VPS54: variants seen among roughly 807,000 people sequenced by gnomAD.
VPS54 encodes VPS54 subunit of GARP complex, also known as vacuolar protein sorting-associated protein 54.
Under a neutral mutation model 121.5 loss-of-function variants are expected in VPS54, and 45 were observed. That is an observed-to-expected ratio of 0.37 (90% CI 0.29 to 0.47). VPS54 has a LOEUF of 0.47. Among genes scored for constraint, VPS54 ranks in the 20% least tolerant of loss-of-function variants. The probability of loss-of-function intolerance (pLI) is 0.99; values close to 1 mark genes in which losing one functional copy is unlikely to be tolerated. For missense variants in VPS54, 1,090 were observed against 1,131.4 expected, an observed-to-expected ratio of 0.96 and a Z score of 0.52; for synonymous variants, 371 against 385.8, an observed-to-expected ratio of 0.96 and a Z score of 0.45.
At chr2:63,986,146 T>C (rs561450802) in intron 1 of VPS54, among the ~76,000 whole-genome samples, 1 of 152,316 alleles carries the variant, frequency 6.6e-6, no homozygotes, top group Admixed American at 6.5e-5. Flanking sequence ...CTTTTAGTTA[T>C]TTTAAAATGT....
intron 22 of VPS54, among the ~76,000 whole-genome samples, chr2:63,895,961 AGG>A (rs1442075553): frequency 6.6e-6 from 1 of 152,218 alleles, no homozygotes; most frequent in Non-Finnish European, 1.5e-5. Flanking sequence ...TAAAAGTAAA[AGG>A]GTATGAGCAG....
chr2:64,000,658 T>G (rs189911477), intron 1 of VPS54, among the ~76,000 whole-genome samples: 23 of 152,352 alleles, frequency 1.5e-4, no homozygotes, highest in Admixed American at 3.3e-4. Context: ...TTGGTAGTCT[T>G]GAATAAAATC....
intron 5 of VPS54, 137 bp from the exon 6 acceptor site, chr2:63,966,103 T>A (rs866835147): frequency 6.1e-6 from 5 of 813,876 alleles, no homozygotes; most frequent in Non-Finnish European, 7.6e-6. Context: ...AACAGTTGAG[T>A]TCTTTACACA....
chr2:63,957,638 C>G (rs903022352), intron 7 of VPS54, among the ~76,000 whole-genome samples: 20 of 152,062 alleles, frequency 1.3e-4, no homozygotes, highest in Non-Finnish European at 2.4e-4. Context: ...AAACTTGGAA[C>G]TTATACAGAT....
chr2:63,984,168 G>C (rs1159839802), intron 1 of VPS54, 149 bp from the exon 2 acceptor site: 1 of 640,620 alleles, frequency 1.6e-6, no homozygotes, highest in African/African-American at 1.8e-5. Flanking sequence ...TGGGAAAATT[G>C]ATCACAATAT....
At chr2:63,983,533 C>T (rs1165001995) in intron 2 of VPS54, among the ~76,000 whole-genome samples, 3 of 151,134 alleles carry the variant, frequency 2.0e-5, no homozygotes, top group African/African-American at 7.3e-5. Flanking sequence ...TGCTCCACCT[C>T]CTGAGTTCAC....
intron 20 of VPS54, among the ~76,000 whole-genome samples, chr2:63,902,573 T>C (rs896313642): frequency 6.6e-6 from 1 of 150,836 alleles, no homozygotes; most frequent in Non-Finnish European, 1.5e-5. Context: ...AAACAAAATA[T>C]ACAAAAAAGA....
At chr2:63,964,200 C>T (rs746070649) in intron 6 of VPS54, among the ~76,000 whole-genome samples, 5 of 152,066 alleles carry the variant, frequency 3.3e-5, no homozygotes, top group African/African-American at 4.8e-5. Flanking sequence ...CAGAGCAGAA[C>T]GAAAAGGAGT....
chr2:63,990,563 A>G (rs753111780), intron 1 of VPS54, among the ~76,000 whole-genome samples: 17 of 151,932 alleles, frequency 1.1e-4, no homozygotes, highest in African/African-American at 4.1e-4. Flanking sequence ...TCACCAGGAT[A>G]CCTCTGCTCC....
chr2:63,988,334 T>C (rs1677151225), intron 1 of VPS54, among the ~76,000 whole-genome samples: 1 of 152,244 alleles, frequency 6.6e-6, no homozygotes, highest in Non-Finnish European at 1.5e-5. Flanking sequence ...ACTATCTACA[T>C]TCCTGAAATA....
At chr2:63,936,968 C>T (rs1674483727) in intron 11 of VPS54, among the ~76,000 whole-genome samples, 2 of 152,070 alleles carry the variant, frequency 1.3e-5, no homozygotes, top group African/African-American at 4.8e-5. Flanking sequence ...GAAAGTAGAC[C>T]GCTGTCTTAT....
intron 12 of VPS54, among the ~76,000 whole-genome samples, chr2:63,922,154 G>A (rs1261554012): frequency 6.6e-6 from 1 of 152,158 alleles, no homozygotes; most frequent in Non-Finnish European, 1.5e-5. Flanking sequence ...AACTCAAAGA[G>A]GAGTATTTAT....
At chr2:63,902,858 C>T (rs1013836836) in intron 20 of VPS54, among the ~76,000 whole-genome samples, 1 of 152,198 alleles carries the variant, frequency 6.6e-6, no homozygotes, top group Non-Finnish European at 1.5e-5. Context: ...ATCCCAGCTA[C>T]TCCAGAGGCT....
At chr2:63,900,173 T>C (rs1461194815) in intron 20 of VPS54, among the ~76,000 whole-genome samples, 1 of 126,858 alleles carries the variant, frequency 7.9e-6, no homozygotes, top group Non-Finnish European at 1.5e-5. Flanking sequence ...TGAGCCAAGA[T>C]CGCACCACTG....
At chr2:63,983,829 A>T in intron 2 of VPS54, 35 bp downstream of exon 2, 1 of 1,562,676 alleles carries the variant, frequency 6.4e-7, no homozygotes, top group Non-Finnish European at 8.7e-7. Context: ...AATAGAAATC[A>T]TCAGTAAAAA....
intron 21 of VPS54, among the ~76,000 whole-genome samples, chr2:63,897,914 CATA>C (rs1300611623): frequency 1.3e-5 from 2 of 152,146 alleles, no homozygotes; most frequent in East Asian, 1.9e-4. Flanking sequence ...GAAAAAATGT[CATA>C]ATGATAGAGG....
chr2:63,998,730 GTTTCTA>G (rs1481730408), intron 1 of VPS54, among the ~76,000 whole-genome samples: 4 of 151,668 alleles, frequency 2.6e-5, no homozygotes, highest in African/African-American at 4.8e-5. Context: ...GCTTTTTGTT[GTTTCTA>G]TTTATATTTT....
chr2:63,995,731 G>A (rs985007721), intron 1 of VPS54, among the ~76,000 whole-genome samples: 1 of 152,246 alleles, frequency 6.6e-6, no homozygotes, highest in Non-Finnish European at 1.5e-5. Flanking sequence ...TGCAAATGCA[G>A]TGCGACTGGA....
chr2:64,004,762 CTG>C (rs1395933117), intron 1 of VPS54, among the ~76,000 whole-genome samples: 4 of 152,242 alleles, frequency 2.6e-5, no homozygotes, highest in Non-Finnish European at 2.9e-5. Flanking sequence ...ACAATAATAA[CTG>C]TTTAAATTAT....
Sources: allele counts gnomAD v4.1 joint callset (sites outside exome capture counted in the v4.1 genomes callset), GRCh38; gene constraint gnomAD v4.1.1; transcripts MANE v1.5; gene names NCBI Gene and HGNC (gene_info 2026-07-23, HGNC 2026-07-21).